Variants in LYPD3 observed in about 807,000 individuals in gnomAD.
The protein encoded by LYPD3 is ly6/PLAUR domain-containing protein 3.
Under a neutral mutation model 21.7 loss-of-function variants are expected in LYPD3, and 22 were observed. The observed-to-expected ratio is 1.01, with a 90% CI of 0.72 to 1.45. The LOEUF (loss-of-function observed/expected upper bound fraction) is 1.45. Ranked by LOEUF, LYPD3 falls within the 40% of genes most tolerant of loss-of-function variation. The pLI is 0.00. For missense variants in LYPD3, 471 were observed against 466.9 expected (o/e 1.01, Z -0.08); for synonymous variants, 179 against 203.0 (o/e 0.88, Z 1.00).
Position 43,464,330 on chromosome 19 carries a change from T to C in LYPD3, c.206A>G (p.Glu69Gly), listed in dbSNP as rs759617875. ...GCCCGGGGGTCCCCACTCACTGGTC[T>C]CCACCGCCCCCACGGCCTCGGTGCA... ...DVCTEAVGAV[E>G]TIHGQFSLAV... Residue 69 changes from glutamate (E) to glycine (G), a missense_variant, in exon 2 of 5, where the codon GAG becomes GGG. Coordinates refer to ENST00000244333, the MANE Select transcript of LYPD3 (RefSeq NM_014400.3). The C allele has an allele frequency of 1.7e-5, 27 of 1,606,762 alleles. No individual in the cohort carries two copies. The highest frequency in any genetic ancestry group is 2.1e-5 in the Non-Finnish European group (25 of 1,177,216).
Position 43,463,753 on chromosome 19 carries a change from C to A in LYPD3, c.228G>T (p.Ser76=), listed in dbSNP as rs766426685. ...CCGAACCGCAACCCCGCACTGCCAG[C>A]GAGAATTGTCCGTGGACTAGGGAGA... ...GAVETIHGQF[S]LAVRGCGSGL... is the part of the protein sequence containing the mutation. Residue 76 remains serine (S), a synonymous_variant, in exon 3 of 5, where the codon TCG becomes TCT. Coordinates refer to ENST00000244333, the MANE Select transcript of LYPD3 (RefSeq NM_014400.3). 5.0e-6 allele frequency: 8 copies of A among 1,613,212 alleles called. No homozygotes were observed. Among genetic ancestry groups the A allele is most frequent in the Non-Finnish European group, 5.9e-6 (7 of 1,180,028 alleles).
Position 43,463,592 on chromosome 19 carries a change from C to T in LYPD3, c.382+7G>A. 1 of 1,599,780 alleles carries T rather than the reference C, an allele frequency of 6.3e-7. No homozygotes were observed. Among genetic ancestry groups the T allele is most frequent in the Non-Finnish European group, 8.5e-7 (1 of 1,179,532 alleles). ...GCCCCCGCAGCTACGGCCCGGCCCC[C>T]ACGGACCTGCCGGGTCGAGCGCCCG... On this transcript the variant is annotated splice_region_variant and intron_variant, in intron 3 of 4. Coordinates refer to ENST00000244333, the MANE Select transcript of LYPD3 (RefSeq NM_014400.3).
At chr19:43,465,367 T>C (rs1048134410) in intron 1 of LYPD3, 126 bp downstream of exon 1, 46 of 1,084,332 alleles carry the variant, frequency 4.2e-5, no homozygotes, top group Non-Finnish European at 5.7e-5. Context: ...ATGGGGGAAC[T>C]TTGCCCACAG....
rs773432885 is a variant in LYPD3 at position 43,463,262 on chromosome 19, G to C, written c.408C>G (p.Asn136Lys). Residue 136 changes from asparagine to lysine, a missense_variant, in exon 4 of 5, where the codon AAC becomes AAG. Coordinates refer to ENST00000244333, the MANE Select transcript of LYPD3 (RefSeq NM_014400.3). ...PAGNESAYPP[N>K]GVECYSCVGL... ...CCACACAGCTGTAGCACTCCACGCCGTTGGGCGGGTATGCACTCTCATTAC... is the reference window on the plus strand; with the variant it reads ...CCACACAGCTGTAGCACTCCACGCCCTTGGGCGGGTATGCACTCTCATTAC... 3 of 1,604,070 alleles carry C rather than the reference G, an allele frequency of 1.9e-6. No individual in the cohort carries two copies. The highest frequency in any genetic ancestry group is 2.5e-6 in the Non-Finnish European group (3 of 1,179,966).
In LYPD3 at chr19:43,461,440, G is replaced by A; in HGVS notation, c.952C>T (p.Pro318Ser). The A allele has an allele frequency of 6.2e-7, 1 of 1,614,148 alleles. No homozygotes were observed. ...CAGCCTTTATTATGGGGCTGCTGGG[G>A]CCCCCCTTTTGCAGGATACTGCCCT... ...NSGQYPAKGGPQQPHNKGCVA... is the reference protein window; with the variant it reads ...NSGQYPAKGGSQQPHNKGCVA... Residue 318 changes from proline to serine, a missense_variant, in exon 5 of 5, where the codon CCC becomes TCC. By Grantham distance (74) the Pro-to-Ser change is moderately conservative. Transcript: ENST00000244333.
Position 43,465,546 on chromosome 19 carries a change from G to T in LYPD3, c.26C>A (p.Ala9Asp). 6.2e-7 allele frequency: 1 copy of T among 1,610,580 alleles called. No homozygotes were observed. MDPARKAG[A>D]QAMIWTAGWL... ...GCCTGCAGTCCAGATCATGGCCTGG[G>T]CACCTGCTTTCCTGGCGGGGTCCAT... The change falls in exon 1 of 5, where the codon GCC (alanine) becomes GAC (aspartate). Residue 9 changes from alanine to aspartate, a missense_variant. Physicochemically the swap from Ala to Asp is moderately radical, Grantham distance 126. Coordinates refer to ENST00000244333, the MANE Select transcript of LYPD3 (RefSeq NM_014400.3).
Position 43,464,438 on chromosome 19 carries a change from C to T in LYPD3, c.98G>A (p.Cys33Tyr). 1 of 1,614,122 alleles carries T rather than the reference C, an allele frequency of 6.2e-7. No individual in the cohort carries two copies. Among genetic ancestry groups the T allele is most frequent in the Non-Finnish European group, 8.5e-7 (1 of 1,180,040 alleles). Reference sequence around the variant, plus strand: ...ATCTGCTTTCTGCACGCAGCTGTAGCACTCCAGGGCCTGCGCTCCTGGGGG... The same window carrying T: ...ATCTGCTTTCTGCACGCAGCTGTAGTACTCCAGGGCCTGCGCTCCTGGGGG... ...LLRGGAQALE[C>Y]YSCVQKADDG... Residue 33 changes from cysteine to tyrosine, a missense_variant, in exon 2 of 5, where the codon TGC becomes TAC. Coordinates refer to ENST00000244333, the MANE Select transcript of LYPD3 (RefSeq NM_014400.3).
In LYPD3 at chr19:43,461,206, C is replaced by A. The variant is rs750314532; in HGVS notation, c.*145G>T. 7 of 985,942 alleles carry A rather than the reference C, an allele frequency of 7.1e-6. No individual in the cohort carries two copies. The highest frequency in any genetic ancestry group is 1.0e-5 in the Non-Finnish European group (7 of 680,414). 61.1% of individuals were successfully genotyped at this position (985,942 alleles called of 1,614,324 possible). Reference sequence around the variant, plus strand: ...TTTATTTCCCAAAGCCGCAAACCAGCGCAGCAGAAGCTGGGGATACTGGGG... The same window carrying A: ...TTTATTTCCCAAAGCCGCAAACCAGAGCAGCAGAAGCTGGGGATACTGGGG... On this transcript the variant is annotated 3_prime_UTR_variant, in exon 5 of 5. Transcript: ENST00000244333.
chr19:43,464,562 A>G (rs1422282046), intron 1 of LYPD3, 106 bp from the exon 2 acceptor site: 6 of 1,435,078 alleles, frequency 4.2e-6, no homozygotes, highest in Admixed American at 3.7e-5. Flanking sequence ...AGACAGTCTT[A>G]TTGCACACAC....
At chr19:43,463,037 CG>C in intron 4 of LYPD3, 88 bp downstream of exon 4, 1 of 1,442,774 alleles carries the variant, frequency 6.9e-7, no homozygotes, top group Non-Finnish European at 9.5e-7. Context: ...GTTAAGGAAA[CG>C]CTTTGGGTAA....
chr19:43,465,033 A>AT (rs1352787606), intron 1 of LYPD3, among the ~76,000 whole-genome samples: 2 of 147,766 alleles, frequency 1.4e-5, no homozygotes, highest in Non-Finnish European at 3.0e-5. Context: ...GATTCAAACG[A>AT]TTCTCCTGCC....
At position 43,463,590 on chromosome 19, in the gene LYPD3, C is replaced by G. The variant is rs927026136; in HGVS notation, c.382+9G>C. On this transcript the variant is annotated intron_variant, in intron 3 of 4. Coordinates refer to ENST00000244333, the MANE Select transcript of LYPD3 (RefSeq NM_014400.3). ...CCGCCCCCGCAGCTACGGCCCGGCC[C>G]CCACGGACCTGCCGGGTCGAGCGCC... 15 of 1,599,510 alleles carry G rather than the reference C, an allele frequency of 9.4e-6. No individual in the cohort carries two copies. Among genetic ancestry groups the G allele is most frequent in the Non-Finnish European group, 1.3e-5 (15 of 1,179,506 alleles).
chr19:43,461,638 T>C lies in LYPD3; in HGVS notation c.754A>G (p.Thr252Ala), dbSNP rs760263550. 1.2e-6 allele frequency: 2 copies of C among 1,614,134 alleles called. No homozygotes were observed. Among genetic ancestry groups the C allele is most frequent in the African/African-American group, 1.3e-5 (1 of 75,016 alleles). Residue 252 changes from threonine (T) to alanine (A), a missense_variant, in exon 5 of 5, where the codon ACC becomes GCC. Coordinates refer to ENST00000244333, the MANE Select transcript of LYPD3 (RefSeq NM_014400.3). The stretch of plus-strand genomic sequence containing the variant: ...GAGGTAGAAGTGGTGACAGATGTGG[T>C]TGAGGCCACAGTCGTGGGCTCTGGA... ...PPPEPTTVASTTSVTTSTSAP... is the reference protein window; with the variant it reads ...PPPEPTTVASATSVTTSTSAP...
In LYPD3 at chr19:43,461,152, C is replaced by G. The variant is rs533464655; in HGVS notation, c.*199G>C. 388 of 623,146 alleles carry G rather than the reference C, an allele frequency of 6.2e-4. No individual in the cohort carries two copies. The highest frequency in any genetic ancestry group is 9.3e-4 in the Non-Finnish European group (338 of 365,218). The allele number at this position is 623,146 out of a possible 1,614,324, so 38.6% of individuals were successfully genotyped here. A position where few individuals can be genotyped will look rare whatever the true frequency, so the allele number is the denominator to read the frequency against. ...AGGAGCTGTCCTCAAAAAGCTAGAA[C>G]ACCCCTGGCAGAATATATACAACGG... is the stretch of plus-strand genomic sequence containing the variant. On this transcript the variant is annotated 3_prime_UTR_variant, in exon 5 of 5. Coordinates refer to ENST00000244333, the MANE Select transcript of LYPD3 (RefSeq NM_014400.3).
rs761289436 is a variant in LYPD3 at position 43,465,558 on chromosome 19, C to G, written c.14G>C (p.Arg5Thr). MDPA[R>T]KAGAQAMIWT... Reference sequence around the variant, plus strand: ...GATCATGGCCTGGGCACCTGCTTTCCTGGCGGGGTCCATGGCTCCGTCCTG... The same window carrying G: ...GATCATGGCCTGGGCACCTGCTTTCGTGGCGGGGTCCATGGCTCCGTCCTG... The change falls in exon 1 of 5, where the codon AGG becomes ACG. Residue 5 changes from arginine (R) to threonine (T), a missense_variant. Transcript: ENST00000244333. The G allele has an allele frequency of 6.2e-7, 1 of 1,610,426 alleles. No individual in the cohort carries two copies. The highest frequency in any genetic ancestry group is 1.1e-5 in the South Asian group (1 of 91,082).
chr19:43,464,158 G>A (rs1176997136), intron 2 of LYPD3, 167 bp downstream of exon 2: 7 of 923,022 alleles, frequency 7.6e-6, no homozygotes, highest in Admixed American at 2.9e-5. Context: ...ATTGTTAATA[G>A]AGAAGGCCTG....
In LYPD3 at chr19:43,463,733, C is replaced by T. The variant is rs1970796093; in HGVS notation, c.248G>A (p.Gly83Asp). 3 of 1,613,402 alleles carry T rather than the reference C, an allele frequency of 1.9e-6. No homozygotes were observed. The highest frequency in any genetic ancestry group is 2.5e-6 in the Non-Finnish European group (3 of 1,180,042). ...GTCATTCTTGCCGGGGAGTCCCGAA[C>T]CGCAACCCCGCACTGCCAGCGAGAA... ...GQFSLAVRGC[G>D]SGLPGKNDRG... is the part of the protein sequence containing the mutation. Residue 83 changes from glycine to aspartate, a missense_variant, in exon 3 of 5, where the codon GGT becomes GAT. Transcript: ENST00000244333.
At chr19:43,464,186 G>C (rs1385932477) in intron 2 of LYPD3, 139 bp downstream of exon 2, 1 of 1,154,900 alleles carries the variant, frequency 8.7e-7, no homozygotes, top group African/African-American at 1.5e-5. Context: ...AGGCTGTGTC[G>C]TAGGGTCCCG....
In LYPD3 at chr19:43,461,426, A is replaced by G. The variant is rs1435902996; in HGVS notation, c.966T>C (p.His322=). 2 of 1,614,104 alleles carry G rather than the reference A, an allele frequency of 1.2e-6. No homozygotes were observed. Among genetic ancestry groups the G allele is most frequent in the South Asian group, 2.2e-5 (2 of 91,082 alleles). Residue 322 remains histidine, a synonymous_variant, in exon 5 of 5, where the codon CAT becomes CAC. Coordinates refer to ENST00000244333, the MANE Select transcript of LYPD3 (RefSeq NM_014400.3). ...YPAKGGPQQP[H]NKGCVAPTAG... ...CTGTGGGAGCCACACAGCCTTTATT[A>G]TGGGGCTGCTGGGGCCCCCCTTTTG... is the stretch of plus-strand genomic sequence containing the variant.
Sources: gnomAD v4.1 joint callset for allele counts (sites outside exome capture counted in the v4.1 genomes callset) on GRCh38, gnomAD v4.1.1 for gene constraint, MANE v1.5 for transcripts, NCBI Gene and HGNC (gene_info 2026-07-23, HGNC 2026-07-21) for gene names.